PDE11A: variants seen among roughly 807,000 people sequenced by gnomAD.
The protein encoded by PDE11A is dual 3',5'-cyclic-AMP and -GMP phosphodiesterase 11A.
In PDE11A, 100 loss-of-function variants were observed where a neutral mutation model predicts 100.5. The observed-to-expected ratio is 1.00, with a 90% CI of 0.85 to 1.18. The LOEUF is 1.18. Among genes scored for constraint, PDE11A ranks in the 50% most tolerant of loss-of-function variants. The pLI, the probability that PDE11A is intolerant of heterozygous loss-of-function variation, is 0.00. For missense variants in PDE11A, 1,141 were observed against 1,152.6 expected, an observed-to-expected ratio of 0.99 and a Z score of 0.15; for synonymous variants, 381 against 420.8, an observed-to-expected ratio of 0.91 and a Z score of 1.16.
At chr2:178,011,496 G>C (rs897675755) in intron 2 of PDE11A, among the ~76,000 whole-genome samples, 1 of 152,170 alleles carries the variant, frequency 6.6e-6, no homozygotes, top group African/African-American at 2.4e-5. Flanking sequence ...TACATAGGGC[G>C]AGGTATAGGG....
chr2:178,006,853 C>T lies in PDE11A; in HGVS notation c.1071+7449G>A, dbSNP rs142919673. On this transcript the variant is annotated intron_variant, in intron 2 of 19. Coordinates refer to ENST00000286063, the MANE Select transcript of PDE11A (RefSeq NM_016953.4). ...GGGGGGGGAAGCCAATGCATTCCAA[C>T]CAAAGATGTTGAATTCCAAACATAC... 7.0e-3 allele frequency among the ~76,000 whole-genome samples: 1,063 copies of T among 151,822 alleles called. 21 individuals carry two copies. The highest frequency in any genetic ancestry group is 0.025 in the African/African-American group (1,027 of 41,350).
chr2:177,918,052 G>C (rs1463077831), intron 2 of PDE11A, among the ~76,000 whole-genome samples: 1 of 152,186 alleles, frequency 6.6e-6, no homozygotes, highest in Admixed American at 6.5e-5. Context: ...TAAATTCAGG[G>C]CATTCTTAAT....
At chr2:177,908,701 C>G (rs576222131) in intron 2 of PDE11A, among the ~76,000 whole-genome samples, 3 of 152,236 alleles carry the variant, frequency 2.0e-5, no homozygotes, top group South Asian at 2.1e-4. Flanking sequence ...GGACCAGGAA[C>G]CAGGCTGTGT....
At chr2:177,654,707 C>A (rs2080356712) in intron 19 of PDE11A, among the ~76,000 whole-genome samples, 2 of 152,188 alleles carry the variant, frequency 1.3e-5, no homozygotes, top group Non-Finnish European at 2.9e-5. Flanking sequence ...TCCCAACAGT[C>A]ACTCTTGACA....
At chr2:177,692,605 A>G (rs910601191) in intron 15 of PDE11A, among the ~76,000 whole-genome samples, 1 of 152,200 alleles carries the variant, frequency 6.6e-6, no homozygotes, top group African/African-American at 2.4e-5. Flanking sequence ...AGAAACAGGC[A>G]CAGAAATCAT....
At chr2:177,982,774 T>A (rs1280182488) in intron 2 of PDE11A, among the ~76,000 whole-genome samples, 1 of 150,934 alleles carries the variant, frequency 6.6e-6, no homozygotes, top group Non-Finnish European at 1.5e-5. Flanking sequence ...CACCAGCCTC[T>A]TGTTACACTA....
At chr2:177,890,432 G>A (rs563221758) in intron 4 of PDE11A, among the ~76,000 whole-genome samples, 7 of 152,274 alleles carry the variant, frequency 4.6e-5, no homozygotes, top group Admixed American at 4.6e-4. Flanking sequence ...GGTGAACATT[G>A]TGCTCTACCC....
In PDE11A at chr2:177,649,846, A is replaced by G. The variant is rs570165609; in HGVS notation, c.2646+14020T>C. On this transcript the variant is annotated intron_variant, in intron 19 of 19. Coordinates refer to ENST00000286063, the MANE Select transcript of PDE11A (RefSeq NM_016953.4). Reference sequence around the variant, plus strand: ...TGAATTGTGTTCACTGAGGGTGTCTAAACTATTTAGCAATAAAAAATTTAA... The same window carrying G: ...TGAATTGTGTTCACTGAGGGTGTCTGAACTATTTAGCAATAAAAAATTTAA... Among the ~76,000 whole-genome samples, 26 of 152,326 alleles carry G rather than the reference A, an allele frequency of 1.7e-4. No individual in the cohort carries two copies. The South Asian group carries it at 5.0e-3, about 29-fold the overall frequency.
At chr2:177,903,445 C>T (rs958109602) in intron 3 of PDE11A, among the ~76,000 whole-genome samples, 1 of 152,154 alleles carries the variant, frequency 6.6e-6, no homozygotes, top group Non-Finnish European at 1.5e-5. Context: ...GTATTGTTCT[C>T]ATGAATAGTA....
chr2:177,819,652 G>C (rs559089468), intron 7 of PDE11A, among the ~76,000 whole-genome samples: 68 of 152,084 alleles, frequency 4.5e-4, no homozygotes, highest in African/African-American at 1.6e-3. Context: ...GCCTATTTCA[G>C]AACTGCCCAG....
At position 177,663,917 on chromosome 2, in the gene PDE11A, C is replaced by G. The variant is rs779160753; in HGVS notation, c.2595G>C (p.Leu865=). 13 of 1,612,494 alleles carry G rather than the reference C, an allele frequency of 8.1e-6. No homozygotes were observed. Among genetic ancestry groups the G allele is most frequent in the Middle Eastern group, 1.7e-4 (1 of 6,056 alleles). The change falls in exon 19 of 20, where the codon CTG becomes CTC. Residue 865 remains leucine (L), a synonymous_variant. Coordinates refer to ENST00000286063, the MANE Select transcript of PDE11A (RefSeq NM_016953.4). ...AIFDRNRKDE[L]PRLQLEWIDS... ...CAATCCACTCCAGTTGCAACCGAGG[C>G]AGTTCATCCTTCCGGTTCCGATCAA...
chr2:178,067,036 CT>C (rs528653688), intron 1 of PDE11A, among the ~76,000 whole-genome samples: 123 of 152,272 alleles, frequency 8.1e-4, no homozygotes, highest in African/African-American at 2.7e-3. Flanking sequence ...AGGCATCACA[CT>C]TCCTCATATC....
chr2:177,752,453 A>G (rs1326321124), intron 10 of PDE11A, among the ~76,000 whole-genome samples: 3 of 152,224 alleles, frequency 2.0e-5, no homozygotes, highest in African/African-American at 7.2e-5. Context: ...CTTTTCATCC[A>G]TAAAATGAGG....
At chr2:177,892,826 T>G (rs933974527) in intron 4 of PDE11A, among the ~76,000 whole-genome samples, 1 of 152,226 alleles carries the variant, frequency 6.6e-6, no homozygotes, top group Non-Finnish European at 1.5e-5. Context: ...TTCCTCATCC[T>G]GACAGCCAGG....
chr2:178,079,922 T>G (rs1417626929), intron 2 of PDE11A, among the ~76,000 whole-genome samples: 1 of 152,200 alleles, frequency 6.6e-6, no homozygotes. Context: ...TTTTCATATG[T>G]TTGTTGGGCA....
At chr2:177,985,740 T>C (rs1183630051) in intron 2 of PDE11A, among the ~76,000 whole-genome samples, 1 of 152,220 alleles carries the variant, frequency 6.6e-6, no homozygotes, top group African/African-American at 2.4e-5. Flanking sequence ...GGATTTCTAT[T>C]GTTGAACTTT....
intron 2 of PDE11A, among the ~76,000 whole-genome samples, chr2:177,935,672 G>A (rs1042995816): frequency 1.1e-4 from 16 of 152,138 alleles, no homozygotes; most frequent in African/African-American, 3.9e-4. Context: ...AGCAACCAGA[G>A]GCAGATCTGT....
At chr2:177,683,213 G>T (rs1222604642) in intron 15 of PDE11A, 1 of 152,136 alleles carries the variant, frequency 6.6e-6, no homozygotes, top group Non-Finnish European at 1.5e-5. Context: ...ACAAAGACAG[G>T]TCCTGGATCT....
At chr2:177,739,342 T>C (rs1332851684) in intron 10 of PDE11A, among the ~76,000 whole-genome samples, 3 of 152,156 alleles carry the variant, frequency 2.0e-5, no homozygotes, top group Non-Finnish European at 4.4e-5. Context: ...GTAGGCTACC[T>C]TGAGGATGAA....
Sources: gnomAD v4.1 joint callset for allele counts (sites outside exome capture counted in the v4.1 genomes callset) on GRCh38, gnomAD v4.1.1 for gene constraint, MANE v1.5 for transcripts, NCBI Gene and HGNC (gene_info 2026-07-23, HGNC 2026-07-21) for gene names.